The following PACC1 variants were observed in gnomAD, a reference collection of about 807,000 sequenced individuals.
The protein encoded by PACC1 is proton activated chloride channel 1.
PACC1 carries 34 observed loss-of-function variants against 39.7 expected under a neutral mutation model. That is an observed-to-expected ratio of 0.86 (90% CI 0.65 to 1.14). The LOEUF (loss-of-function observed/expected upper bound fraction) is 1.14. Ranked by LOEUF, PACC1 falls within the 50% of genes most tolerant of loss-of-function variation. The pLI is 0.00. For synonymous variants in PACC1, 127 were observed against 160.6 expected (o/e 0.79, Z 1.58); for missense variants, 379 against 436.4 (o/e 0.87, Z 1.17).
At chr1:212,394,853 A>C (rs1661454237) in intron 2 of PACC1, among the ~76,000 whole-genome samples, 1 of 152,218 alleles carries the variant, frequency 6.6e-6, no homozygotes, top group Non-Finnish European at 1.5e-5. Flanking sequence ...TAAAGAGAAT[A>C]AAATACCTAG....
chr1:212,413,927 C>T, intron 1 of PACC1: 2 of 1,534,892 alleles, frequency 1.3e-6, no homozygotes, highest in Non-Finnish European at 1.7e-6. Context: ...GCCAATGAGG[C>T]GGCACGATGG....
At chr1:212,396,313 C>T (rs966116965) in intron 2 of PACC1, among the ~76,000 whole-genome samples, 3 of 152,154 alleles carry the variant, frequency 2.0e-5, no homozygotes, top group Non-Finnish European at 1.5e-5. Flanking sequence ...TGGAAACCAT[C>T]ATTCTCAGCA....
At chr1:212,375,408 C>G (rs1190269904) in intron 6 of PACC1, 108 bp from the exon 7 acceptor site, 4 of 725,736 alleles carry the variant, frequency 5.5e-6, no homozygotes, top group African/African-American at 1.8e-5. Context: ...CTGTGGTTCT[C>G]CTCACACTAT....
chr1:212,393,147 C>T (rs552939645), intron 2 of PACC1, among the ~76,000 whole-genome samples: 19 of 152,326 alleles, frequency 1.2e-4, no homozygotes, highest in African/African-American at 4.6e-4. Flanking sequence ...TTCTCAGCAC[C>T]ACACCACACC....
At chr1:212,413,325 G>A (rs1662203756) in intron 1 of PACC1, among the ~76,000 whole-genome samples, 1 of 152,192 alleles carries the variant, frequency 6.6e-6, no homozygotes, top group East Asian at 1.9e-4. Flanking sequence ...CTCCACTGTA[G>A]GGCTAAGCCA....
intron 2 of PACC1, among the ~76,000 whole-genome samples, chr1:212,392,383 G>A (rs6685737): frequency 0.27 from 40,796 of 151,996 alleles, 7,538 homozygotes; most frequent in African/African-American, 0.53. Context: ...TTACAGACAA[G>A]CAAATGCTGA....
intron 2 of PACC1, among the ~76,000 whole-genome samples, chr1:212,408,658 G>A (rs934303720): frequency 6.6e-5 from 10 of 152,140 alleles, no homozygotes; most frequent in African/African-American, 1.2e-4. Flanking sequence ...CACCGTGCCC[G>A]GTCCCTTCCA....
intron 2 of PACC1, among the ~76,000 whole-genome samples, chr1:212,404,321 T>A (rs996133159): frequency 6.6e-6 from 1 of 151,418 alleles, no homozygotes; most frequent in Non-Finnish European, 1.5e-5. Flanking sequence ...TTAGCCAGGA[T>A]GGTGTCGATC....
intron 2 of PACC1, among the ~76,000 whole-genome samples, chr1:212,402,901 A>C (rs2102532212): frequency 6.6e-6 from 1 of 152,196 alleles, no homozygotes; most frequent in African/African-American, 2.4e-5. Context: ...TGATCCACCC[A>C]CCTCGACCTC....
intron 7 of PACC1, among the ~76,000 whole-genome samples, chr1:212,367,983 T>C (rs1050356957): frequency 1.3e-5 from 2 of 152,040 alleles, no homozygotes; most frequent in South Asian, 4.1e-4. Flanking sequence ...GTGACAGCCA[T>C]GGGAGTACCT....
chr1:212,408,438 G>A (rs998939803), intron 2 of PACC1, among the ~76,000 whole-genome samples: 1 of 151,578 alleles, frequency 6.6e-6, no homozygotes, highest in Non-Finnish European at 1.5e-5. Flanking sequence ...TCGTCTCACT[G>A]TAACCTCCGC....
In PACC1 at chr1:212,414,790, C is replaced by A. The variant is rs774940152; in HGVS notation, c.-33G>T. 2.5e-6 allele frequency: 4 copies of A among 1,609,344 alleles called. No individual in the cohort carries two copies. The highest frequency in any genetic ancestry group is 1.1e-5 in the South Asian group (1 of 91,002). On this transcript the variant is annotated 5_prime_UTR_variant, in exon 1 of 8. Transcript: ENST00000261455. Reference sequence around the variant, plus strand: ...ACCAGAGCTTCGGCACACCTGAGACCGCCCCAGCCCGCGGCGCACGGACGC... The same window carrying A: ...ACCAGAGCTTCGGCACACCTGAGACAGCCCCAGCCCGCGGCGCACGGACGC...
At chr1:212,374,334 G>A (rs1005125677) in intron 7 of PACC1, among the ~76,000 whole-genome samples, 2 of 152,056 alleles carry the variant, frequency 1.3e-5, no homozygotes, top group African/African-American at 2.4e-5. Flanking sequence ...AATACCACAC[G>A]TTCTCACTCA....
chr1:212,402,089 A>T (rs1661737482), intron 2 of PACC1, among the ~76,000 whole-genome samples: 1 of 152,224 alleles, frequency 6.6e-6, no homozygotes. Context: ...ACTATTACAA[A>T]TAAAGCTGCT....
At chr1:212,397,653 C>A (rs1171565407) in intron 2 of PACC1, among the ~76,000 whole-genome samples, 2 of 152,108 alleles carry the variant, frequency 1.3e-5, no homozygotes, top group African/African-American at 2.4e-5. Flanking sequence ...CTGATGGTCT[C>A]TAATCCAAAG....
intron 2 of PACC1, among the ~76,000 whole-genome samples, chr1:212,388,664 G>A (rs1387184168): frequency 1.3e-5 from 2 of 152,196 alleles, no homozygotes; most frequent in East Asian, 3.9e-4. Flanking sequence ...CAAGGAGAAA[G>A]GCCTCACCAG....
intron 2 of PACC1, among the ~76,000 whole-genome samples, chr1:212,402,500 A>C (rs540552247): frequency 3.9e-5 from 6 of 152,340 alleles, no homozygotes; most frequent in Admixed American, 1.3e-4. Flanking sequence ...GCCCATTTTT[A>C]AACTGAGTTA....
At chr1:212,394,756 G>A (rs1352543956) in intron 2 of PACC1, among the ~76,000 whole-genome samples, 4 of 152,126 alleles carry the variant, frequency 2.6e-5, no homozygotes, top group Non-Finnish European at 4.4e-5. Context: ...TACAAAATCA[G>A]TGTGCAAAAA....
chr1:212,399,302 A>C (rs1661630488), intron 2 of PACC1, among the ~76,000 whole-genome samples: 1 of 152,228 alleles, frequency 6.6e-6, no homozygotes, highest in Non-Finnish European at 1.5e-5. Context: ...TCCCACAGCC[A>C]GTAACTGGCA....
Sources: gnomAD v4.1 joint callset for allele counts (sites outside exome capture counted in the v4.1 genomes callset) on GRCh38, gnomAD v4.1.1 for gene constraint, MANE v1.5 for transcripts, NCBI Gene and HGNC (gene_info 2026-07-23, HGNC 2026-07-21) for gene names.